The following KLF12 variants were observed in gnomAD, a reference collection of about 807,000 sequenced individuals.
The protein encoded by KLF12 is Krueppel-like factor 12.
A neutral mutation model predicts 37.8 loss-of-function variants in KLF12; 9 were observed. That is an observed-to-expected ratio of 0.24 (90% CI 0.14 to 0.42). The LOEUF is 0.42. Ranked by LOEUF, KLF12 falls within the 10% of genes least tolerant of loss-of-function variation. The pLI is 1.00. For synonymous variants in KLF12, 208 were observed against 202.1 expected (o/e 1.03, Z -0.25); for missense variants, 411 against 516.0 (o/e 0.80, Z 1.97).
chr13:74,274,945 C>A, the KLF12 span, among the ~76,000 whole-genome samples: 3 of 152,090 alleles, frequency 2.0e-5, no homozygotes, highest in Non-Finnish European at 4.4e-5. Context: ...TATTAATCAG[C>A]AATCTGTGAG....
intron 2 of KLF12, among the ~76,000 whole-genome samples, chr13:73,961,142 C>G (rs188212205): frequency 8.4e-4 from 128 of 152,192 alleles, no homozygotes; most frequent in African/African-American, 2.7e-3. Context: ...CTCCTTTGAG[C>G]CTTTAATCAT....
chr13:74,234,396 A>G, the KLF12 span, among the ~76,000 whole-genome samples: 5 of 152,136 alleles, frequency 3.3e-5, no homozygotes. Context: ...AAGTGGCTTA[A>G]TTTTTTTCTG....
the KLF12 span, chr13:74,256,892 T>G: frequency 6.6e-6 from 1 of 152,234 alleles, no homozygotes; most frequent in Non-Finnish European, 1.5e-5. Flanking sequence ...TTTTCATATA[T>G]TAATTGCTGA....
intron 6 of KLF12, among the ~76,000 whole-genome samples, chr13:73,733,754 C>T (rs1297520784): frequency 6.6e-6 from 1 of 152,146 alleles, no homozygotes; most frequent in Non-Finnish European, 1.5e-5. Context: ...TGCATGGCTG[C>T]TGCACCCTTT....
intron 3 of KLF12, among the ~76,000 whole-genome samples, chr13:73,900,384 T>C (rs1171748286): frequency 6.6e-6 from 1 of 152,200 alleles, no homozygotes; most frequent in Non-Finnish European, 1.5e-5. Context: ...AATTTATTAA[T>C]TGCTAGTCAC....
chr13:73,924,687 T>C (rs963895422), intron 3 of KLF12, among the ~76,000 whole-genome samples: 9 of 152,184 alleles, frequency 5.9e-5, no homozygotes, highest in East Asian at 3.9e-4. Flanking sequence ...TCACTTTAAA[T>C]AGAAAGCTAG....
intron 2 of KLF12, among the ~76,000 whole-genome samples, chr13:73,989,457 A>G (rs1238276859): frequency 2.0e-5 from 3 of 152,234 alleles, no homozygotes; most frequent in African/African-American, 7.2e-5. Context: ...GAACAAACAC[A>G]CAGGCACTGC....
chr13:73,998,458 G>A (rs1470468802), intron 1 of KLF12, among the ~76,000 whole-genome samples: 1 of 152,150 alleles, frequency 6.6e-6, no homozygotes, highest in Non-Finnish European at 1.5e-5. Flanking sequence ...GCTCTGTTTC[G>A]AGTGAATTGA....
intron 1 of KLF12, among the ~76,000 whole-genome samples, chr13:74,023,818 T>C (rs1348368400): frequency 4.6e-5 from 7 of 152,226 alleles, no homozygotes; most frequent in African/African-American, 2.4e-5. Flanking sequence ...AGGGGGCTGA[T>C]AGCTACTATG....
Position 73,780,618 on chromosome 13 carries a change from C to T in KLF12, c.807-15618G>A, listed in dbSNP as rs149152880. Among the ~76,000 whole-genome samples, 832 of 152,274 alleles carry T rather than the reference C, an allele frequency of 5.5e-3. 10 individuals carry two copies. The highest frequency in any genetic ancestry group is 0.019 in the African/African-American group (771 of 41,568). On this transcript the variant is annotated intron_variant, in intron 5 of 7. Coordinates refer to ENST00000377669, the MANE Select transcript of KLF12 (RefSeq NM_007249.5). Reference sequence around the variant, plus strand: ...CCTCAGCCTCTGGCATGTGCCACCACGCCTGGCTAATTTTTGTATTTTCAG... The same window carrying T: ...CCTCAGCCTCTGGCATGTGCCACCATGCCTGGCTAATTTTTGTATTTTCAG...
At chr13:74,036,353 A>C (rs1893245572) in intron 1 of KLF12, among the ~76,000 whole-genome samples, 1 of 152,174 alleles carries the variant, frequency 6.6e-6, no homozygotes, top group African/African-American at 2.4e-5. Context: ...ATTGATTGTT[A>C]ATAAACTGGA....
chr13:73,943,930 A>T (rs142455374), intron 3 of KLF12, 51 bp downstream of exon 3: 240 of 1,103,870 alleles, frequency 2.2e-4, no homozygotes, highest in Non-Finnish European at 3.0e-4. Flanking sequence ...TCTGCAGAAG[A>T]ATGCCACTCT....
At chr13:74,131,294 T>C (rs1954708168) in intron 1 of KLF12, among the ~76,000 whole-genome samples, 1 of 152,254 alleles carries the variant, frequency 6.6e-6, no homozygotes, top group South Asian at 2.1e-4. Flanking sequence ...TATTTTCACA[T>C]GACCAGAACA....
At chr13:73,856,307 TG>T (rs1885607254) in intron 3 of KLF12, among the ~76,000 whole-genome samples, 1 of 152,206 alleles carries the variant, frequency 6.6e-6, no homozygotes, top group South Asian at 2.1e-4. Flanking sequence ...TCCTCTTGGC[TG>T]GGATGCTTAT....
chr13:74,188,144 G>T, the KLF12 span, among the ~76,000 whole-genome samples: 1 of 152,116 alleles, frequency 6.6e-6, no homozygotes, highest in African/African-American at 2.4e-5. Context: ...AGTAGGTTTA[G>T]TATAGTTGTG....
At chr13:73,835,174 T>C (rs191860973) in intron 4 of KLF12, among the ~76,000 whole-genome samples, 23 of 152,242 alleles carry the variant, frequency 1.5e-4, no homozygotes, top group Non-Finnish European at 3.2e-4. Context: ...GTTTGAGTTT[T>C]ACTTAAAAGG....
chr13:73,821,031 C>G (rs936409954), intron 4 of KLF12, among the ~76,000 whole-genome samples: 4 of 152,230 alleles, frequency 2.6e-5, no homozygotes, highest in Admixed American at 2.0e-4. Flanking sequence ...GAGTCGTTGT[C>G]ACAGAAACTG....
chr13:74,101,268 G>A lies in KLF12; in HGVS notation c.-32+32471C>T, dbSNP rs1440713167. 2.0e-5 allele frequency among the ~76,000 whole-genome samples: 3 copies of A among 152,100 alleles called. No individual in the cohort carries two copies. In the East Asian group the frequency reaches 5.8e-4, roughly 29 times the overall value. ...CATCCCTCACTTTCTCCTCTCCCCTGTGAAGAGGGTATTCAAGCACTTCTT... is the reference window on the plus strand; with the variant it reads ...CATCCCTCACTTTCTCCTCTCCCCTATGAAGAGGGTATTCAAGCACTTCTT... On this transcript the variant is annotated intron_variant, in intron 1 of 7. Transcript: ENST00000377669.
At chr13:74,050,299 C>T (rs919600800) in intron 1 of KLF12, among the ~76,000 whole-genome samples, 8 of 152,154 alleles carry the variant, frequency 5.3e-5, no homozygotes, top group African/African-American at 1.7e-4. Context: ...ACTACATTAT[C>T]GGTCTTGTAT....
Sources: allele counts gnomAD v4.1 joint callset (sites outside exome capture counted in the v4.1 genomes callset), GRCh38; gene constraint gnomAD v4.1.1; transcripts MANE v1.5; gene names NCBI Gene and HGNC (gene_info 2026-07-23, HGNC 2026-07-21).